Variants in AFF3 observed in about 807,000 individuals in gnomAD.
AFF3 encodes ALF transcription elongation factor 3.
In AFF3, 32 loss-of-function variants were observed where a neutral mutation model predicts 129.7. The observed-to-expected ratio is 0.25, with a 90% CI of 0.19 to 0.33. The LOEUF (loss-of-function observed/expected upper bound fraction) is 0.33. Ranked by LOEUF, AFF3 falls within the 10% of genes least tolerant of loss-of-function variation. The pLI is 1.00. For synonymous variants in AFF3, 644 were observed against 635.4 expected, an observed-to-expected ratio of 1.01 and a Z score of -0.20; for missense variants, 1,373 against 1,592.0, an observed-to-expected ratio of 0.86 and a Z score of 2.34.
chr2:99,987,404 G>C (rs1679972582), intron 7 of AFF3, among the ~76,000 whole-genome samples: 1 of 152,134 alleles, frequency 6.6e-6, no homozygotes, highest in Non-Finnish European at 1.5e-5. Context: ...ACTCTGGGCT[G>C]GTGCATTAAG....
chr2:99,641,895 C>A (rs981809412), intron 13 of AFF3, among the ~76,000 whole-genome samples: 14 of 152,080 alleles, frequency 9.2e-5, no homozygotes, highest in African/African-American at 3.1e-4. Context: ...TTGTGGTATA[C>A]TCAGTATTTA....
chr2:99,929,254 G>A (rs1198741815), intron 7 of AFF3, among the ~76,000 whole-genome samples: 1 of 152,106 alleles, frequency 6.6e-6, no homozygotes, highest in Non-Finnish European at 1.5e-5. Context: ...TTGAACCCAG[G>A]AGGCAGAGGT....
At chr2:99,702,032 T>G (rs192129669) in intron 11 of AFF3, among the ~76,000 whole-genome samples, 62 of 152,366 alleles carry the variant, frequency 4.1e-4, no homozygotes, top group Non-Finnish European at 7.8e-4. Flanking sequence ...CAATGGACTT[T>G]TAGGTAGTTT....
chr2:99,796,770 A>C (rs1685582158), intron 8 of AFF3, among the ~76,000 whole-genome samples: 1 of 152,184 alleles, frequency 6.6e-6, no homozygotes, highest in Non-Finnish European at 1.5e-5. Flanking sequence ...ATCATCTGAA[A>C]GGATTACAGA....
intron 7 of AFF3, among the ~76,000 whole-genome samples, chr2:99,904,616 T>C (rs1383747761): frequency 6.6e-6 from 1 of 152,172 alleles, no homozygotes; most frequent in African/African-American, 2.4e-5. Flanking sequence ...GGCTTTCTTT[T>C]TATTAATATG....
At chr2:99,652,633 G>A (rs968108661) in intron 12 of AFF3, among the ~76,000 whole-genome samples, 3 of 152,070 alleles carry the variant, frequency 2.0e-5, no homozygotes, top group Admixed American at 6.5e-5. Context: ...TGGAGAGTCC[G>A]ACATTCTGGG....
chr2:99,593,066 C>T (rs985205572), intron 15 of AFF3, 129 bp downstream of exon 15: 49 of 1,037,136 alleles, frequency 4.7e-5, no homozygotes, highest in Non-Finnish European at 6.1e-5. Flanking sequence ...TAGGTAAGGA[C>T]ACACAAAACT....
chr2:99,938,552 T>C (rs1466163004), intron 7 of AFF3, among the ~76,000 whole-genome samples: 1 of 152,194 alleles, frequency 6.6e-6, no homozygotes, highest in Non-Finnish European at 1.5e-5. Context: ...TGTGAAGGCA[T>C]TTTTTAGATG....
intron 7 of AFF3, among the ~76,000 whole-genome samples, chr2:99,948,915 T>G (rs541677263): frequency 2.0e-5 from 3 of 152,138 alleles, no homozygotes; most frequent in Non-Finnish European, 2.9e-5. Flanking sequence ...TCAATTTACC[T>G]CCTCCAAAGT....
chr2:99,674,243 G>A (rs1031599841), intron 11 of AFF3, among the ~76,000 whole-genome samples: 3 of 152,140 alleles, frequency 2.0e-5, no homozygotes, highest in Admixed American at 6.5e-5. Context: ...TGTCTGGCAC[G>A]CCATTCATTT....
intron 4 of AFF3, among the ~76,000 whole-genome samples, chr2:100,080,535 T>G (rs1393580881): frequency 6.6e-6 from 1 of 151,862 alleles, no homozygotes; most frequent in Non-Finnish European, 1.5e-5. Context: ...AGAGGCAAAA[T>G]GAAACCTACC....
intron 24 of AFF3, among the ~76,000 whole-genome samples, chr2:99,553,659 A>G (rs1253168116): frequency 6.6e-6 from 1 of 152,100 alleles, no homozygotes; most frequent in Non-Finnish European, 1.5e-5. Flanking sequence ...CACGCCTGTA[A>G]TCCCAGTACT....
At chr2:99,959,635 C>T (rs912101634) in intron 7 of AFF3, among the ~76,000 whole-genome samples, 5 of 150,306 alleles carry the variant, frequency 3.3e-5, no homozygotes, top group African/African-American at 7.3e-5. Flanking sequence ...ACATTGCAAG[C>T]GCTCACAGAT....
At chr2:99,670,630 G>A (rs1475920688) in intron 12 of AFF3, among the ~76,000 whole-genome samples, 12 of 152,112 alleles carry the variant, frequency 7.9e-5, no homozygotes, top group African/African-American at 2.4e-5. Flanking sequence ...CATATCATTA[G>A]TCTTGTTTAA....
intron 4 of AFF3, among the ~76,000 whole-genome samples, chr2:100,018,425 C>T (rs780412200): frequency 9.9e-5 from 15 of 152,110 alleles, no homozygotes; most frequent in South Asian, 2.1e-4. Context: ...AGTGGGTTTT[C>T]GAGAGATGAC....
chr2:99,795,451 T>C (rs1425872075), intron 8 of AFF3, among the ~76,000 whole-genome samples: 1 of 152,118 alleles, frequency 6.6e-6, no homozygotes, highest in Non-Finnish European at 1.5e-5. Context: ...GGGCATAATC[T>C]ACATTATTCA....
At chr2:99,726,350 A>G (rs1021048203) in intron 11 of AFF3, among the ~76,000 whole-genome samples, 1 of 152,252 alleles carries the variant, frequency 6.6e-6, no homozygotes, top group Non-Finnish European at 1.5e-5. Flanking sequence ...CTATCTTATA[A>G]TAAGAAAACA....
At chr2:99,986,395 C>A (rs916000829) in intron 7 of AFF3, among the ~76,000 whole-genome samples, 3 of 151,842 alleles carry the variant, frequency 2.0e-5, no homozygotes, top group Admixed American at 6.6e-5. Context: ...TCCTTATTAG[C>A]CATTTTTATC....
intron 8 of AFF3, among the ~76,000 whole-genome samples, chr2:99,773,436 G>A (rs1278755899): frequency 1.3e-5 from 2 of 152,104 alleles, no homozygotes; most frequent in African/African-American, 4.8e-5. Flanking sequence ...CATCTAGGCA[G>A]GTGAGTCTTT....
Sources: gnomAD v4.1 joint callset for allele counts (sites outside exome capture counted in the v4.1 genomes callset) on GRCh38, gnomAD v4.1.1 for gene constraint, MANE v1.5 for transcripts, NCBI Gene and HGNC (gene_info 2026-07-23, HGNC 2026-07-21) for gene names.